Variants in ITFG2 observed in about 807,000 individuals in gnomAD.
The protein encoded by ITFG2 is KICSTOR complex protein ITFG2.
Under a neutral mutation model 54.4 loss-of-function variants are expected in ITFG2, and 36 were observed. The ratio of observed to expected loss-of-function variants is 0.66; its 90% confidence interval spans 0.51 to 0.87. ITFG2 has a LOEUF of 0.87. Among genes scored for constraint, ITFG2 ranks in the 40% least tolerant of loss-of-function variants. ITFG2 has a pLI of 0.00. For synonymous variants in ITFG2, 211 were observed against 225.4 expected, an observed-to-expected ratio of 0.94 and a Z score of 0.57; for missense variants, 524 against 576.7, an observed-to-expected ratio of 0.91 and a Z score of 0.94.
chr12:2,823,254 T>A (rs2153924957), intron 10 of ITFG2, among the ~76,000 whole-genome samples: 1 of 152,372 alleles, frequency 6.6e-6, no homozygotes, highest in South Asian at 2.1e-4. Flanking sequence ...CTGGGATGTG[T>A]GAAGACATCA....
intron 2 of ITFG2, among the ~76,000 whole-genome samples, chr12:2,852,085 C>T (rs73242890): frequency 9.7e-4 from 147 of 152,250 alleles, no homozygotes; most frequent in Middle Eastern, 3.4e-3. Flanking sequence ...CTTATGGGAC[C>T]GCTGTGGTAT....
At chr12:2,827,522 C>A (rs1321487994), downstream of ITFG2, 2 of 1,579,606 alleles carry the variant, frequency 1.3e-6, no homozygotes, top group African/African-American at 2.7e-5. The surrounding 1 kb of genome is among the most constrained non-coding windows in gnomAD (Gnocchi z 4.0). Context: ...GACAGTTGCC[C>A]ATCTCTAAGT....
downstream of ITFG2, chr12:2,827,835 G>T: frequency 6.2e-7 from 1 of 1,606,256 alleles, no homozygotes; most frequent in African/African-American, 1.3e-5. This position sits in a 1 kb window ranked among gnomAD's most constrained non-coding sequence, Gnocchi z 4.0. Flanking sequence ...GGAACTCCTC[G>T]TGCTGCAGGG....
At chr12:2,823,019 T>C in intron 10 of ITFG2, 108 bp downstream of exon 10, 4 of 798,118 alleles carry the variant, frequency 5.0e-6, no homozygotes, top group Non-Finnish European at 8.6e-6. Context: ...ACGTATCCCC[T>C]GATGTAAGTC....
chr12:2,858,596 C>A, intron 3 of ITFG2: 1 of 1,570,642 alleles, frequency 6.4e-7, no homozygotes, highest in African/African-American at 1.3e-5. Flanking sequence ...TTGGAGTGCC[C>A]GGGATGGTGG....
chr12:2,842,275 C>G (rs1184062405), intron 2 of ITFG2, among the ~76,000 whole-genome samples: 1 of 151,128 alleles, frequency 6.6e-6, no homozygotes, highest in Admixed American at 6.6e-5. Flanking sequence ...GCATGTGCCA[C>G]CACGCCCAGC....
At chr12:2,835,115 C>A, upstream of ITFG2, 8 of 1,432,476 alleles carry the variant, frequency 5.6e-6, no homozygotes, top group Non-Finnish European at 7.3e-6. Flanking sequence ...TGGCCGCATC[C>A]CCAACGCTGG....
Position 2,823,952 on chromosome 12 carries a change from CA to C in ITFG2, c.1240+10del. 6.2e-7 allele frequency: 1 copy of C among 1,612,306 alleles called. No homozygotes were observed. ...GCAGGAGCTGGGCGTGGGTGAGTCC[CA>C]GAAAAGCCAGTGGCCCGAGTGCCCA... On this transcript the variant is annotated intron_variant, in intron 11 of 11. Transcript: ENST00000228799.
At chr12:2,855,342 G>A in intron 2 of ITFG2, 1 of 1,532,206 alleles carries the variant, frequency 6.5e-7, no homozygotes, top group Non-Finnish European at 8.7e-7. Flanking sequence ...GCTGGTGGTA[G>A]GCTTGCCGGG....
chr12:2,850,167 C>T (rs1299693531), intron 2 of ITFG2, among the ~76,000 whole-genome samples: 1 of 152,088 alleles, frequency 6.6e-6, no homozygotes, highest in Non-Finnish European at 1.5e-5. Context: ...GAGGCTCAAA[C>T]CTCAGCATTT....
intron 1 of ITFG2, among the ~76,000 whole-genome samples, chr12:2,813,839 G>C (rs1259923556): frequency 1.3e-5 from 2 of 152,164 alleles, no homozygotes; most frequent in African/African-American, 2.4e-5. Context: ...GGGGAGGAAA[G>C]AGTTATTCTC....
At chr12:2,822,965 G>T in intron 10 of ITFG2, 54 bp downstream of exon 10, 1 of 1,344,336 alleles carries the variant, frequency 7.4e-7, no homozygotes, top group African/African-American at 1.4e-5. Context: ...AGATAGGCGT[G>T]TTAGGCATGC....
At chr12:2,859,680 G>A in exon 4 of ITFG2, 2 of 1,584,700 alleles carry the variant, frequency 1.3e-6, no homozygotes, top group South Asian at 2.3e-5. Context: ...GGGAAACAGA[G>A]ATAAGGTGAA....
At chr12:2,843,813 A>G (rs2153927397) in intron 2 of ITFG2, among the ~76,000 whole-genome samples, 1 of 144,834 alleles carries the variant, frequency 6.9e-6, no homozygotes, top group East Asian at 2.2e-4. Context: ...ACTCCATCTC[A>G]AAAAAAAAAA....
chr12:2,857,320 A>C, intron 2 of ITFG2: 1 of 466,324 alleles, frequency 2.1e-6, no homozygotes, highest in Non-Finnish European at 3.9e-6. Flanking sequence ...TGGGGATGGC[A>C]GTGGGAATGA....
In ITFG2 at chr12:2,816,168, T is replaced by G. The variant is rs577580775; in HGVS notation, c.97-1055T>G. ...GCCTCAGCCTCCCGAGTAGCTGGGATTACAGGTGTGTACCACCACGCTCAG... is the reference window on the plus strand; with the variant it reads ...GCCTCAGCCTCCCGAGTAGCTGGGAGTACAGGTGTGTACCACCACGCTCAG... On this transcript the variant is annotated intron_variant, in intron 1 of 11. Coordinates refer to ENST00000228799, the MANE Select transcript of ITFG2 (RefSeq NM_018463.4). 2.8e-5 allele frequency among the ~76,000 whole-genome samples: 4 copies of G among 143,132 alleles called. No homozygotes were observed. The South Asian group carries it at 9.2e-4, about 33-fold the overall frequency. 93.9% of individuals were successfully genotyped at this position (143,132 alleles called of 152,430 possible).
intron 1 of ITFG2, among the ~76,000 whole-genome samples, chr12:2,840,368 G>C (rs1161481154): frequency 6.6e-6 from 1 of 151,418 alleles, no homozygotes; most frequent in South Asian, 2.1e-4. Flanking sequence ...CATGAGAAAC[G>C]CTTGAAACCG....
At chr12:2,834,895 C>G, upstream of ITFG2, 1 of 1,613,908 alleles carries the variant, frequency 6.2e-7, no homozygotes, top group Non-Finnish European at 8.5e-7. Flanking sequence ...GTCCTCTCTG[C>G]TTCTTCCTGC....
At chr12:2,858,871 C>T (rs753788611) in intron 3 of ITFG2, 20 of 1,613,846 alleles carry the variant, frequency 1.2e-5, no homozygotes, top group Middle Eastern at 1.6e-4. Flanking sequence ...CCAAAGGGGA[C>T]GGAGATGAGG....
Sources: gnomAD v4.1 joint callset for allele counts (sites outside exome capture counted in the v4.1 genomes callset) on GRCh38, gnomAD v4.1.1 for gene constraint, Gnocchi (gnomAD v3.1) non-coding constraint, MANE v1.5 for transcripts, NCBI Gene and HGNC (gene_info 2026-07-23, HGNC 2026-07-21) for gene names.